The following DAB1 variants were observed in gnomAD, a reference collection of about 807,000 sequenced individuals.
DAB1 encodes the protein DAB adaptor protein 1.
DAB1 carries 15 observed loss-of-function variants against 64.6 expected under a neutral mutation model. The ratio of observed to expected loss-of-function variants is 0.23; its 90% CI spans 0.16 to 0.36. The LOEUF (loss-of-function observed/expected upper bound fraction) is 0.36, where lower values mean the gene tolerates loss of function less well. Ranked by LOEUF, DAB1 falls within the 10% of genes least tolerant of loss-of-function variation. The pLI, the probability that DAB1 is intolerant of heterozygous loss-of-function variation, is 1.00. For synonymous variants in DAB1, 235 were observed against 251.9 expected (o/e 0.93, Z 0.64); for missense variants, 596 against 706.7 (o/e 0.84, Z 1.78).
chr1:57,856,385 A>T (rs1181178825), intron 1 of DAB1, among the ~76,000 whole-genome samples: 1 of 152,194 alleles, frequency 6.6e-6, no homozygotes, highest in Non-Finnish European at 1.5e-5. Context: ...GACAACAAGT[A>T]TGCTGCACAC....
intron 7 of DAB1, among the ~76,000 whole-genome samples, chr1:57,617,038 T>C (rs770438380): frequency 8.5e-5 from 13 of 152,202 alleles, no homozygotes; most frequent in African/African-American, 1.2e-4. Flanking sequence ...TATTTAAGGA[T>C]GCTAACTGCC....
At chr1:57,425,723 G>A (rs534975810), upstream of DAB1, among the ~76,000 whole-genome samples, 1 of 152,306 alleles carries the variant, frequency 6.6e-6, no homozygotes, top group South Asian at 2.1e-4. Context: ...AAAGGTGGGA[G>A]GGAGGTCCTA....
rs769754774 is a variant in DAB1, at chr1:58,533,957, T to C, written n.33-6622A>G. ...ACATTCATTTTAGGTACTTACAGCA[T>C]GCCCAAGTACTGCATGTGCTATTTC... On this transcript the variant is annotated intron_variant and non_coding_transcript_variant, in intron 1 of 20. Coordinates refer to the DAB1 transcript ENST00000485760. The C allele has an allele frequency of 2.4e-4, 208 of 872,244 alleles. 2 individuals are homozygous for C. The highest frequency in any genetic ancestry group is 2.4e-3 in the South Asian group (182 of 76,416). The allele number at this position is 872,244 out of a possible 1,614,324, so 54.0% of individuals were successfully genotyped here. A position where few individuals can be genotyped will look rare whatever the true frequency, so the allele number is the denominator to read the frequency against.
At chr1:57,931,279 CTCA>C (rs1303291878) in intron 5 of DAB1, among the ~76,000 whole-genome samples, 1 of 152,122 alleles carries the variant, frequency 6.6e-6, no homozygotes, top group Non-Finnish European at 1.5e-5. Context: ...ATTTTTACAT[CTCA>C]TCATGCTCAT....
At position 58,300,630 on chromosome 1, in the gene DAB1, GAGAGAGAGAGAGAGAGAGGAAGGAAGGA is replaced by G. The variant is rs1487132893; in HGVS notation, n.309+42694_309+42721del. Among the ~76,000 whole-genome samples the G allele has an allele frequency of 9.3e-4, 66 of 70,924 alleles. 1 individual carries two copies. Among genetic ancestry groups the G allele is most frequent in the Admixed American group, 3.2e-3 (22 of 6,888 alleles). 46.5% of individuals were successfully genotyped at this position (70,924 alleles called of 152,430 possible). On this transcript the variant is annotated intron_variant and non_coding_transcript_variant, in intron 4 of 20. Coordinates refer to the DAB1 transcript ENST00000485760. ...AAAGAAAGAGAGAGAGAGAGAGAGA[GAGAGAGAGAGAGAGAGAGGAAGGAAGGA>G]AGGAAGGAAGGAAGGAAGGAAGGAA...
intron 4 of DAB1, among the ~76,000 whole-genome samples, chr1:58,192,802 C>A (rs1457072191): frequency 6.6e-6 from 1 of 152,070 alleles, no homozygotes; most frequent in Non-Finnish European, 1.5e-5. Context: ...ATAATGATTT[C>A]CTTCCCTTTG....
At chr1:57,395,182 G>A (rs908387857) in intron 1 of DAB1, among the ~76,000 whole-genome samples, 5 of 152,104 alleles carry the variant, frequency 3.3e-5, no homozygotes, top group Admixed American at 6.5e-5. Flanking sequence ...GTGCGACCAC[G>A]CTCAGCTAAT....
In DAB1 at chr1:57,026,053, C is replaced by CA. The variant is rs753942990; in HGVS notation, c.724-11dup. The CA allele has an allele frequency of 5.0e-6, 8 of 1,600,852 alleles. No homozygotes were observed. Among genetic ancestry groups the CA allele is most frequent in the Non-Finnish European group, 5.1e-6 (6 of 1,173,908 alleles). ...CTAATTGGGTCACAGCCTGTAAAGA[C>CA]AAAAAGGTAATCATGTGACTACAAA... is the stretch of plus-strand genomic sequence containing the variant. On this transcript the variant is annotated splice_polypyrimidine_tract_variant and intron_variant, in intron 9 of 14. Coordinates refer to ENST00000371236, the MANE Select transcript of DAB1 (RefSeq NM_001365792.1).
At chr1:57,316,462 C>T (rs552259650) in intron 1 of DAB1, among the ~76,000 whole-genome samples, 3 of 152,154 alleles carry the variant, frequency 2.0e-5, no homozygotes, top group East Asian at 3.9e-4. Flanking sequence ...CGGACAAATG[C>T]CAGGCTACAG....
At chr1:58,296,259 A>G (rs1336515877) in intron 4 of DAB1, among the ~76,000 whole-genome samples, 1 of 146,386 alleles carries the variant, frequency 6.8e-6, no homozygotes, top group African/African-American at 2.6e-5. Flanking sequence ...GAAAGAAAGA[A>G]AGAAAAGTGA....
intron 7 of DAB1, among the ~76,000 whole-genome samples, chr1:57,614,871 T>C (rs1450624499): frequency 1.4e-5 from 2 of 138,086 alleles, no homozygotes; most frequent in South Asian, 2.4e-4. Flanking sequence ...TTTCTTTCTT[T>C]TTTTTTTTTT....
intron 1 of DAB1, chr1:57,387,203 T>A (rs45594834): frequency 6.6e-6 from 1 of 152,118 alleles, no homozygotes; most frequent in Non-Finnish European, 1.5e-5. Flanking sequence ...ATGGGTACAA[T>A]ACTGCCTACC....
chr1:57,622,881 G>A (rs978763752), intron 7 of DAB1, among the ~76,000 whole-genome samples: 1 of 152,124 alleles, frequency 6.6e-6, no homozygotes, highest in Non-Finnish European at 1.5e-5. Context: ...TTACTCCTTA[G>A]TTTAGGCCAT....
intron 1 of DAB1, among the ~76,000 whole-genome samples, chr1:57,335,418 C>T (rs947098581): frequency 2.6e-5 from 4 of 152,086 alleles, no homozygotes; most frequent in African/African-American, 9.7e-5. Flanking sequence ...TTAGATTTTG[C>T]TTGATATGAG....
intron 3 of DAB1, among the ~76,000 whole-genome samples, chr1:58,374,188 A>G (rs927014615): frequency 2.4e-5 from 3 of 122,862 alleles, no homozygotes; most frequent in African/African-American, 3.0e-5. Context: ...GTTTAATTAG[A>G]TCCCATTTGT....
In DAB1 at chr1:57,049,450, CAAAAAAA is replaced by C. The variant is rs574438911; in HGVS notation, c.723+13427_723+13433del. 6.9e-4 allele frequency among the ~76,000 whole-genome samples: 17 copies of C among 24,586 alleles called. No individual in the cohort carries two copies. In the East Asian group the frequency reaches 9.1e-3, roughly 13 times the overall value. 16.1% of individuals were successfully genotyped at this position (24,586 alleles called of 152,430 possible). On this transcript the variant is annotated intron_variant, in intron 9 of 14. Transcript: ENST00000371236. ...TGGGCAACAGAGCAAGACTCCGTCT[CAAAAAAA>C]AAAAAAAAAAAAAAAAAAAAGAAGT...
At chr1:58,043,681 G>T (rs982687081) in intron 5 of DAB1, among the ~76,000 whole-genome samples, 1 of 152,070 alleles carries the variant, frequency 6.6e-6, no homozygotes, top group African/African-American at 2.4e-5. Flanking sequence ...TCACTATTGT[G>T]CCATGAAATG....
intron 4 of DAB1, among the ~76,000 whole-genome samples, chr1:57,088,858 T>C (rs1271281508): frequency 6.6e-6 from 1 of 152,250 alleles, no homozygotes; most frequent in African/African-American, 2.4e-5. Flanking sequence ...TCTCCACCTA[T>C]AGCTTGAGAT....
intron 5 of DAB1, among the ~76,000 whole-genome samples, chr1:58,142,074 T>G (rs1336312948): frequency 6.6e-6 from 1 of 152,098 alleles, no homozygotes; most frequent in Non-Finnish European, 1.5e-5. Flanking sequence ...GAGCCGATGC[T>G]GCTTCCCTTG....
Sources: gnomAD v4.1 joint callset for allele counts (sites outside exome capture counted in the v4.1 genomes callset) on GRCh38, gnomAD v4.1.1 for gene constraint, MANE v1.5 for transcripts, NCBI Gene and HGNC (gene_info 2026-07-23, HGNC 2026-07-21) for gene names.